Variants in ZNF248 observed in about 807,000 individuals in gnomAD.
ZNF248 encodes zinc finger protein 248.
A neutral mutation model predicts 44.3 loss-of-function variants in ZNF248; 20 were observed. The observed-to-expected ratio is 0.45, with a 90% confidence interval of 0.32 to 0.66. The LOEUF (loss-of-function observed/expected upper bound fraction) is 0.66, where lower values mean the gene tolerates loss of function less well. ZNF248 is among the 30% of genes least tolerant of loss of function. ZNF248 has a pLI of 0.04. For synonymous variants in ZNF248, 224 were observed against 229.0 expected, an observed-to-expected ratio of 0.98 and a Z score of 0.20; for missense variants, 654 against 677.0, an observed-to-expected ratio of 0.97 and a Z score of 0.38.
chr10:37,828,998 A>C lies in ZNF248; in HGVS notation c.*2617T>G. The C allele has an allele frequency of 1.0e-6, 1 of 985,482 alleles. No individual in the cohort carries two copies. The highest frequency in any genetic ancestry group is 1.2e-6 in the Non-Finnish European group (1 of 829,944). The allele number at this position is 985,482 out of a possible 1,614,324, so 61.0% of individuals were successfully genotyped here. ...AACTAGTAGAATAACTTTATTTCTA[A>C]CACTGAGCCTTCTACATAGGAATTT... is the stretch of plus-strand genomic sequence containing the variant. On this transcript the variant is annotated 3_prime_UTR_variant, in exon 6 of 6. Coordinates refer to ENST00000395867, the MANE Select transcript of ZNF248 (RefSeq NM_021045.3).
chr10:37,805,216 T>C (rs1203651068), intron 6 of ZNF248, among the ~76,000 whole-genome samples: 3 of 152,306 alleles, frequency 2.0e-5, no homozygotes, highest in African/African-American at 7.2e-5. Flanking sequence ...CACTAGGTCA[T>C]TTACCATTTC....
chr10:37,802,789 G>A (rs527719328), intron 6 of ZNF248: 1 of 152,202 alleles, frequency 6.6e-6, no homozygotes, highest in Admixed American at 6.5e-5. Flanking sequence ...AACTTGATGT[G>A]GCTTAATTGT....
At chr10:37,783,339 C>A (rs977937126) in intron 6 of ZNF248, among the ~76,000 whole-genome samples, 1 of 152,012 alleles carries the variant, frequency 6.6e-6, no homozygotes, top group African/African-American at 2.4e-5. Context: ...AAGCTGAACC[C>A]CTCTCATACC....
At chr10:37,772,961 C>G (rs938590009), downstream of ZNF248, among the ~76,000 whole-genome samples, 1 of 152,018 alleles carries the variant, frequency 6.6e-6, no homozygotes, top group Non-Finnish European at 1.5e-5. Context: ...TACATATGTA[C>G]CAATATGAAC....
intron 6 of ZNF248, among the ~76,000 whole-genome samples, chr10:37,809,664 T>C (rs775884616): frequency 6.6e-6 from 1 of 152,168 alleles, no homozygotes; most frequent in African/African-American, 2.4e-5. Context: ...TAAGCACCTA[T>C]AGCTATAAAT....
chr10:37,770,207 T>C, the ZNF248 span, among the ~76,000 whole-genome samples: 1 of 152,136 alleles, frequency 6.6e-6, no homozygotes, highest in Non-Finnish European at 1.5e-5. Flanking sequence ...CCCAAGGTAA[T>C]TTACAGATTC....
chr10:37,842,793 G>A (rs570719560), intron 3 of ZNF248, among the ~76,000 whole-genome samples: 45 of 152,130 alleles, frequency 3.0e-4, no homozygotes, highest in Admixed American at 5.2e-4. Flanking sequence ...ACCTGGAAAG[G>A]GTTTCTTTGG....
At chr10:37,797,065 A>G (rs956645191) in intron 6 of ZNF248, among the ~76,000 whole-genome samples, 3 of 152,204 alleles carry the variant, frequency 2.0e-5, no homozygotes, top group Non-Finnish European at 4.4e-5. Context: ...GAGATAGGTT[A>G]TATTATTATC....
At chr10:37,796,429 T>C (rs1432559900) in intron 6 of ZNF248, among the ~76,000 whole-genome samples, 3 of 151,752 alleles carry the variant, frequency 2.0e-5, no homozygotes, top group Admixed American at 1.3e-4. Flanking sequence ...ACATTGGCCA[T>C]GTTGGTCTCC....
chr10:37,772,082 T>C (rs1366553236), downstream of ZNF248, among the ~76,000 whole-genome samples: 3 of 152,094 alleles, frequency 2.0e-5, no homozygotes, highest in Non-Finnish European at 2.9e-5. Context: ...ATGACCAACA[T>C]GGTGAAACCC....
chr10:37,830,074 T>TA lies in ZNF248; in HGVS notation c.*1540dup. On this transcript the variant is annotated 3_prime_UTR_variant, in exon 6 of 6. Transcript: ENST00000395867. ...AGGCAGAGATACTCTAAAATACTAATACGCAGAACTAGTGTTACATAGACC... is the reference window on the plus strand; with the variant it reads ...AGGCAGAGATACTCTAAAATACTAATAACGCAGAACTAGTGTTACATAGACC... The TA allele has an allele frequency of 1.0e-6, 1 of 985,368 alleles. No homozygotes were observed. The highest frequency in any genetic ancestry group is 1.2e-6 in the Non-Finnish European group (1 of 829,922). The allele number at this position is 985,368 out of a possible 1,614,324, so 61.0% of individuals were successfully genotyped here.
intron 5 of ZNF248, 151 bp downstream of exon 5, chr10:37,837,466 G>C (rs2057458162): frequency 4.7e-6 from 3 of 643,948 alleles, no homozygotes; most frequent in Non-Finnish European, 2.7e-6. Flanking sequence ...TAAGGTAACA[G>C]GGATGTGGGC....
At chr10:37,828,065 T>A (rs571196334), downstream of ZNF248, among the ~76,000 whole-genome samples, 1 of 152,206 alleles carries the variant, frequency 6.6e-6, no homozygotes, top group Non-Finnish European at 1.5e-5. Flanking sequence ...CATTGTGAGA[T>A]CAGTCTAGTG....
intron 3 of ZNF248, among the ~76,000 whole-genome samples, chr10:37,844,759 T>A (rs1245535366): frequency 6.6e-6 from 1 of 151,774 alleles, no homozygotes; most frequent in Non-Finnish European, 1.5e-5. Flanking sequence ...GGGAAGTAAA[T>A]CAAAATATGC....
downstream of ZNF248, chr10:37,775,366 TG>T (rs1454559648): frequency 1.3e-5 from 2 of 152,174 alleles, no homozygotes; most frequent in African/African-American, 4.8e-5. Flanking sequence ...TTTTTTCTGT[TG>T]CTCTTGGGAA....
intron 6 of ZNF248, among the ~76,000 whole-genome samples, chr10:37,823,104 G>C (rs2053738247): frequency 6.6e-6 from 1 of 151,942 alleles, no homozygotes. Flanking sequence ...GGGAGGCCGA[G>C]GTGGGCCAAT....
downstream of ZNF248, among the ~76,000 whole-genome samples, chr10:37,773,933 A>G (rs1190581352): frequency 6.6e-6 from 1 of 152,006 alleles, no homozygotes; most frequent in Middle Eastern, 3.2e-3. Flanking sequence ...CCTGCCCTAC[A>G]AATTTTACAT....
At chr10:37,824,673 A>ATTTTTTTTTTTTTTTTTT (rs755411927), downstream of ZNF248, among the ~76,000 whole-genome samples, 119 of 79,722 alleles carry the variant, frequency 1.5e-3, 22 homozygotes, top group Admixed American at 2.8e-3. Context: ...ATTATTTTAA[A>ATTTTTTTTTTTTTTTTTT]TTTTTTTTTT....
chr10:37,856,682 C>A, intron 1 of ZNF248, 150 bp from the exon 2 acceptor site: 3 of 1,005,492 alleles, frequency 3.0e-6, no homozygotes, highest in Non-Finnish European at 3.6e-6. Flanking sequence ...CTGTTAACAC[C>A]ATTAATGCCC....
Sources: gnomAD v4.1 joint callset for allele counts (sites outside exome capture counted in the v4.1 genomes callset) on GRCh38, gnomAD v4.1.1 for gene constraint, MANE v1.5 for transcripts, NCBI Gene and HGNC (gene_info 2026-07-23, HGNC 2026-07-21) for gene names.